The following SLC36A1 variants were observed in gnomAD, a reference collection of about 807,000 sequenced individuals.
SLC36A1 encodes the protein proton-coupled amino acid transporter 1.
In SLC36A1, 30 loss-of-function variants were observed where a neutral mutation model predicts 47.5. The ratio of observed to expected loss-of-function variants is 0.63; its 90% CI spans 0.47 to 0.86. The LOEUF (loss-of-function observed/expected upper bound fraction) is 0.86, where lower values mean the gene tolerates loss of function less well. SLC36A1 is among the 40% of genes least tolerant of loss of function. The probability of loss-of-function intolerance (pLI) is 0.00; values close to 1 mark genes in which losing one functional copy is unlikely to be tolerated. For synonymous variants in SLC36A1, 255 were observed against 249.7 expected, an observed-to-expected ratio of 1.02 and a Z score of -0.20; for missense variants, 517 against 606.0, an observed-to-expected ratio of 0.85 and a Z score of 1.54.
At chr5:151,345,061 G>A in the SLC36A1 span, among the ~76,000 whole-genome samples, 726 of 152,236 alleles carry the variant, frequency 4.8e-3, 11 homozygotes, top group African/African-American at 0.016. Context: ...AGACAAATGC[G>A]AAGGTTTGCC....
the SLC36A1 span, among the ~76,000 whole-genome samples, chr5:151,388,760 T>TA: frequency 4.6e-5 from 7 of 152,142 alleles, no homozygotes; most frequent in Non-Finnish European, 7.3e-5. Flanking sequence ...CTGGAAAAAC[T>TA]AAAAAATTGA....
At chr5:151,537,252 A>G in the SLC36A1 span, among the ~76,000 whole-genome samples, 2 of 148,764 alleles carry the variant, frequency 1.3e-5, no homozygotes. Flanking sequence ...GAAAAAGGAG[A>G]ATAATAAGAA....
At chr5:151,514,441 T>C in the SLC36A1 span, among the ~76,000 whole-genome samples, 5 of 152,206 alleles carry the variant, frequency 3.3e-5, no homozygotes, top group Non-Finnish European at 7.3e-5. Flanking sequence ...CTTTCTTACT[T>C]CGTAGAACTC....
the SLC36A1 span, chr5:151,512,884 C>G: frequency 2.2e-6 from 1 of 461,572 alleles, no homozygotes; most frequent in South Asian, 2.6e-5. This position sits in a 1 kb window ranked among gnomAD's most constrained non-coding sequence, Gnocchi z 4.1. Context: ...CTTTGCTGAT[C>G]AAGACCCTGT....
the SLC36A1 span, among the ~76,000 whole-genome samples, chr5:151,548,122 T>C: frequency 1.6e-4 from 24 of 152,186 alleles, no homozygotes; most frequent in Admixed American, 4.6e-4. Context: ...TTCTGTTATA[T>C]GGCAACTGTT....
the SLC36A1 span, among the ~76,000 whole-genome samples, chr5:151,513,628 A>T: frequency 6.6e-6 from 1 of 152,166 alleles, no homozygotes; most frequent in Non-Finnish European, 1.5e-5. Context: ...AGGACAAAAA[A>T]CTACCTATCA....
At position 151,488,935 on chromosome 5, in the gene SLC36A1, TA is replaced by T. The variant is rs1759886533; in HGVS notation, c.*684del. 6.6e-6 allele frequency: 1 copy of T among 152,262 alleles called. No individual in the cohort carries two copies. Among genetic ancestry groups the T allele is most frequent in the South Asian group, 2.1e-4 (1 of 4,836 alleles). 9.4% of individuals were successfully genotyped at this position (152,262 alleles called of 1,614,324 possible). On this transcript the variant is annotated 3_prime_UTR_variant, in exon 11 of 11. Coordinates refer to ENST00000243389, the MANE Select transcript of SLC36A1 (RefSeq NM_078483.4). ...CTCTTAAAACATACGAAGTGTTGCC[TA>T]AACTGAAAATATTTATCTTTTATTT...
the SLC36A1 span, among the ~76,000 whole-genome samples, chr5:151,359,942 C>T: frequency 4.6e-5 from 7 of 152,216 alleles, no homozygotes; most frequent in South Asian, 8.3e-4. Flanking sequence ...GATCTCTGGA[C>T]GGTTTTTAGT....
intron 2 of SLC36A1, among the ~76,000 whole-genome samples, chr5:151,462,363 AT>A (rs139075390): frequency 1.0e-4 from 15 of 148,180 alleles, no homozygotes; most frequent in Admixed American, 3.4e-4. Flanking sequence ...TCACCAATGG[AT>A]TTTTTTTTTC....
chr5:151,399,814 G>C, the SLC36A1 span, among the ~76,000 whole-genome samples: 2 of 152,114 alleles, frequency 1.3e-5, no homozygotes, highest in Non-Finnish European at 2.9e-5. Context: ...TAGCACATTA[G>C]CATATTCTGC....
chr5:151,493,814 G>C (rs1760264000), downstream of SLC36A1, among the ~76,000 whole-genome samples: 1 of 152,188 alleles, frequency 6.6e-6, no homozygotes, highest in Non-Finnish European at 1.5e-5. Flanking sequence ...GGTTTGCCTT[G>C]GGAATTGTCC....
At chr5:151,403,030 TTTC>T in the SLC36A1 span, among the ~76,000 whole-genome samples, 1 of 152,286 alleles carries the variant, frequency 6.6e-6, no homozygotes, top group South Asian at 2.1e-4. Flanking sequence ...ATTTTAGTTA[TTTC>T]TTTTCTTCTG....
chr5:151,473,040 C>T (rs1046256993), intron 7 of SLC36A1, among the ~76,000 whole-genome samples: 3 of 152,086 alleles, frequency 2.0e-5, no homozygotes, highest in Non-Finnish European at 2.9e-5. Context: ...TGTGGTGGCA[C>T]GCACCTGTAG....
the SLC36A1 span, among the ~76,000 whole-genome samples, chr5:151,425,964 CTCTA>C: frequency 0.16 from 23,462 of 148,048 alleles, 1,921 homozygotes; most frequent in East Asian, 0.23. Context: ...CTCTCTCTCC[CTCTA>C]TCTATCTATC....
chr5:151,550,579 C>A, the SLC36A1 span: 1 of 1,613,360 alleles, frequency 6.2e-7, no homozygotes, highest in East Asian at 2.2e-5. Flanking sequence ...CAGATTTTTC[C>A]ATTTACTCAC....
chr5:151,397,538 G>A, the SLC36A1 span, among the ~76,000 whole-genome samples: 3 of 152,156 alleles, frequency 2.0e-5, no homozygotes, highest in South Asian at 2.1e-4. Flanking sequence ...TGTAATCCCA[G>A]CACTTTGGGA....
At chr5:151,371,053 G>A in the SLC36A1 span, among the ~76,000 whole-genome samples, 806 of 152,138 alleles carry the variant, frequency 5.3e-3, 2 homozygotes, top group Middle Eastern at 0.027. Flanking sequence ...ATTGTAGAAC[G>A]TTTAGCAGCA....
Position 151,476,684 on chromosome 5 carries a change from T to G in SLC36A1, c.917T>G (p.Leu306Arg). The G allele has an allele frequency of 6.2e-7, 1 of 1,613,742 alleles. No homozygotes were observed. The highest frequency in any genetic ancestry group is 8.5e-7 in the Non-Finnish European group (1 of 1,179,784). The change falls in exon 9 of 11, where the codon CTG becomes CGG. Residue 306 changes from leucine to arginine, a missense_variant. Coordinates refer to ENST00000243389, the MANE Select transcript of SLC36A1 (RefSeq NM_078483.4). ...MVIVTILYIS[L>R]GCLGYLQFGA... ...ATCGTCACCATCCTCTACATCAGCC[T>G]GGGGTGTCTGGGGTACCTGCAATTT...
the SLC36A1 span, among the ~76,000 whole-genome samples, chr5:151,402,311 G>A: frequency 6.6e-6 from 1 of 152,244 alleles, no homozygotes; most frequent in Non-Finnish European, 1.5e-5. Context: ...GTTGGTGTGT[G>A]CTGAACCAAC....
Sources: gnomAD v4.1 joint callset for allele counts (sites outside exome capture counted in the v4.1 genomes callset) on GRCh38, gnomAD v4.1.1 for gene constraint, Gnocchi (gnomAD v3.1) non-coding constraint, MANE v1.5 for transcripts, NCBI Gene and HGNC (gene_info 2026-07-23, HGNC 2026-07-21) for gene names.